Variants in SH3RF1 observed in about 807,000 individuals in gnomAD.
SH3RF1 encodes E3 ubiquitin-protein ligase SH3RF1.
SH3RF1 carries 32 observed loss-of-function variants against 74.0 expected under a neutral mutation model. The ratio of observed to expected loss-of-function variants is 0.43; its 90% CI spans 0.33 to 0.58. The LOEUF (loss-of-function observed/expected upper bound fraction) is 0.58, where lower values mean the gene tolerates loss of function less well. SH3RF1 is among the 20% of genes least tolerant of loss of function. The pLI, the probability that SH3RF1 is intolerant of heterozygous loss-of-function variation, is 0.05. For missense variants in SH3RF1, 954 were observed against 1,130.9 expected (o/e 0.84, Z 2.24); for synonymous variants, 396 against 439.6 (o/e 0.90, Z 1.24).
intron 2 of SH3RF1, among the ~76,000 whole-genome samples, chr4:169,166,053 A>G (rs1734236939): frequency 2.6e-5 from 4 of 152,000 alleles, no homozygotes; most frequent in Middle Eastern, 3.4e-3. Flanking sequence ...TAGGGAGGGG[A>G]AAAAAGCCTA....
In SH3RF1 at chr4:169,142,558, A is replaced by G. The variant is rs566619648; in HGVS notation, c.766-5938T>C. ...TTTTGCATAAAGAATAAGGTCGGGA[A>G]AGCATTTAGCACTTTGTTTTTCCAC... On this transcript the variant is annotated intron_variant, in intron 4 of 11. Coordinates refer to ENST00000284637, the MANE Select transcript of SH3RF1 (RefSeq NM_020870.4). Among the ~76,000 whole-genome samples, 266 of 152,342 alleles carry G rather than the reference A, an allele frequency of 1.7e-3. 1 individual carries two copies. Among genetic ancestry groups the G allele is most frequent in the African/African-American group, 5.9e-3 (247 of 41,576 alleles).
At chr4:169,119,973 T>C (rs527837971) in intron 8 of SH3RF1, among the ~76,000 whole-genome samples, 1 of 152,350 alleles carries the variant, frequency 6.6e-6, no homozygotes, top group African/African-American at 2.4e-5. Context: ...ATAAAATATA[T>C]AAAATTTTGC....
chr4:169,183,205 C>T (rs1276245630), intron 2 of SH3RF1, among the ~76,000 whole-genome samples: 1 of 152,148 alleles, frequency 6.6e-6, no homozygotes, highest in Non-Finnish European at 1.5e-5. Context: ...GAGGCTGAGG[C>T]TGGGAGATTG....
At chr4:169,214,387 A>T (rs1215903452) in intron 2 of SH3RF1, among the ~76,000 whole-genome samples, 1 of 152,014 alleles carries the variant, frequency 6.6e-6, no homozygotes, top group Admixed American at 6.6e-5. Context: ...AGCCAATTAA[A>T]CCTTTTTTTC....
intron 11 of SH3RF1, among the ~76,000 whole-genome samples, chr4:169,098,422 C>A (rs1246333816): frequency 1.3e-5 from 2 of 152,184 alleles, no homozygotes; most frequent in African/African-American, 2.4e-5. Context: ...TTACAGCCTG[C>A]CCCTTTCACC....
At chr4:169,227,070 G>T (rs1017872409) in intron 2 of SH3RF1, among the ~76,000 whole-genome samples, 1 of 151,946 alleles carries the variant, frequency 6.6e-6, no homozygotes, top group Non-Finnish European at 1.5e-5. Context: ...GGAGGCTGAG[G>T]CAGGAGGATT....
chr4:169,213,063 A>G (rs1042913562), intron 2 of SH3RF1, among the ~76,000 whole-genome samples: 5 of 152,264 alleles, frequency 3.3e-5, no homozygotes, highest in African/African-American at 1.2e-4. Flanking sequence ...CAAGCAATGC[A>G]CTAGATCATA....
intron 11 of SH3RF1, among the ~76,000 whole-genome samples, chr4:169,106,251 T>C (rs896989577): frequency 2.6e-5 from 4 of 151,904 alleles, no homozygotes; most frequent in Non-Finnish European, 5.9e-5. Flanking sequence ...TAGCTGGGAT[T>C]ACAGGGACTC....
chr4:169,228,547 G>A (rs1480489487), intron 2 of SH3RF1, among the ~76,000 whole-genome samples: 7 of 152,126 alleles, frequency 4.6e-5, no homozygotes, highest in South Asian at 2.1e-4. Context: ...CTTCTGCCTC[G>A]CTATTCCACT....
At chr4:169,140,679 C>G (rs1056046279) in intron 4 of SH3RF1, among the ~76,000 whole-genome samples, 4 of 152,118 alleles carry the variant, frequency 2.6e-5, no homozygotes, top group African/African-American at 9.7e-5. Flanking sequence ...TATGGTTGCC[C>G]TCTTTGCTAG....
chr4:169,176,979 G>C (rs1276832260), intron 2 of SH3RF1, among the ~76,000 whole-genome samples: 1 of 152,120 alleles, frequency 6.6e-6, no homozygotes, highest in Non-Finnish European at 1.5e-5. Context: ...TGTTGCCCGG[G>C]TTGGTCTTGA....
At chr4:169,218,288 T>TAATATA (rs1408130876) in intron 2 of SH3RF1, among the ~76,000 whole-genome samples, 2 of 131,168 alleles carry the variant, frequency 1.5e-5, no homozygotes, top group African/African-American at 5.4e-5. Context: ...ATATAATATA[T>TAATATA]AATATATAAT....
chr4:169,104,628 T>C (rs2126936688), intron 11 of SH3RF1, among the ~76,000 whole-genome samples: 1 of 152,232 alleles, frequency 6.6e-6, no homozygotes, highest in African/African-American at 2.4e-5. Flanking sequence ...GTGGCTGGGC[T>C]CCATGGCTCA....
At chr4:169,180,364 C>G (rs879030114) in intron 2 of SH3RF1, among the ~76,000 whole-genome samples, 6 of 152,246 alleles carry the variant, frequency 3.9e-5, no homozygotes, top group Admixed American at 3.9e-4. Flanking sequence ...GATCCTCCAC[C>G]TCATTGAATT....
chr4:169,266,430 AAAG>A (rs1380169977), intron 2 of SH3RF1, among the ~76,000 whole-genome samples: 1 of 152,216 alleles, frequency 6.6e-6, no homozygotes, highest in Non-Finnish European at 1.5e-5. Context: ...GGAAGCGTCC[AAAG>A]AAGTGCCTTA....
At chr4:169,236,369 A>T (rs1007447735) in intron 2 of SH3RF1, among the ~76,000 whole-genome samples, 1 of 152,174 alleles carries the variant, frequency 6.6e-6, no homozygotes, top group African/African-American at 2.4e-5. Flanking sequence ...AGTGACTCTA[A>T]TGACTATAAT....
intron 2 of SH3RF1, among the ~76,000 whole-genome samples, chr4:169,201,132 C>T (rs895963520): frequency 5.9e-5 from 9 of 151,896 alleles, no homozygotes; most frequent in Non-Finnish European, 1.0e-4. Context: ...TTAAAATATA[C>T]GATCAATATT....
chr4:169,201,280 T>G (rs907502570), intron 2 of SH3RF1, among the ~76,000 whole-genome samples: 5 of 152,158 alleles, frequency 3.3e-5, no homozygotes, highest in African/African-American at 1.2e-4. Flanking sequence ...AATTGACGAA[T>G]ACTTATTCTG....
rs746572882 is a variant in SH3RF1 at position 169,130,166 on chromosome 4, A to G, written c.1069-10T>C. ...TGGTACTTATATGAACCTGCCGAGA[A>G]AAGAAAAGTTATTAAAAAGAAGACT... On this transcript the variant is annotated splice_polypyrimidine_tract_variant and intron_variant, in intron 5 of 11. Transcript: ENST00000284637. 2 of 1,539,094 alleles carry G rather than the reference A, an allele frequency of 1.3e-6. No individual in the cohort carries two copies. Among genetic ancestry groups the G allele is most frequent in the Non-Finnish European group, 1.7e-6 (2 of 1,149,202 alleles).
Sources: gnomAD v4.1 joint callset for allele counts (sites outside exome capture counted in the v4.1 genomes callset) on GRCh38, gnomAD v4.1.1 for gene constraint, MANE v1.5 for transcripts, NCBI Gene and HGNC (gene_info 2026-07-23, HGNC 2026-07-21) for gene names.